RPGRIP1L: variants seen among roughly 807,000 people sequenced by gnomAD.
RPGRIP1L encodes the protein RPGRIP1 like.
A neutral mutation model predicts 160.4 loss-of-function variants in RPGRIP1L; 131 were observed. The observed-to-expected ratio is 0.82, with a 90% CI of 0.71 to 0.94. The LOEUF (loss-of-function observed/expected upper bound fraction) is 0.94, where lower values mean the gene tolerates loss of function less well. Ranked by LOEUF, RPGRIP1L falls within the 40% of genes least tolerant of loss-of-function variation. The pLI, the probability that RPGRIP1L is intolerant of heterozygous loss-of-function variation, is 0.00. For missense variants in RPGRIP1L, 1,522 were observed against 1,535.8 expected (o/e 0.99, Z 0.15); for synonymous variants, 510 against 515.8 (o/e 0.99, Z 0.15).
intron 22 of RPGRIP1L, 62 bp from the exon 23 acceptor site, chr16:53,622,418 A>G: frequency 1.8e-6 from 1 of 551,616 alleles, no homozygotes; most frequent in Non-Finnish European, 3.2e-6. Context: ...ATAATAGACA[A>G]CTTCATCTCA....
chr16:53,654,575 C>T (rs955639500), intron 14 of RPGRIP1L, among the ~76,000 whole-genome samples: 1 of 152,196 alleles, frequency 6.6e-6, no homozygotes, highest in African/African-American at 2.4e-5. Flanking sequence ...TAGCTTTACA[C>T]TCTTCATAGT....
At position 53,700,760 on chromosome 16, in the gene RPGRIP1L, C is replaced by A. The variant is rs781374452; in HGVS notation, c.-7-30G>T. 16 of 1,535,520 alleles carry A rather than the reference C, an allele frequency of 1.0e-5. No homozygotes were observed. In the East Asian group the frequency reaches 3.6e-4, roughly 35 times the overall value. On this transcript the variant is annotated intron_variant, in intron 1 of 26. Transcript: ENST00000647211. ...GGAAAAAAGAAAATTCAAATAAACT[C>A]TTTCCAAATTATTACATTAACTATG... is the stretch of plus-strand genomic sequence containing the variant.
intron 8 of RPGRIP1L, 132 bp downstream of exon 8, chr16:53,672,738 G>C: frequency 1.3e-6 from 1 of 758,606 alleles, no homozygotes; most frequent in Non-Finnish European, 2.2e-6. Flanking sequence ...ATATTTTGCT[G>C]TGCTCAAAAC....
chr16:53,643,566 T>A (rs968973648), intron 17 of RPGRIP1L, among the ~76,000 whole-genome samples: 4 of 152,284 alleles, frequency 2.6e-5, no homozygotes, highest in African/African-American at 9.6e-5. Flanking sequence ...GGTGGAAACC[T>A]ACTGGCTCAA....
intron 6 of RPGRIP1L, among the ~76,000 whole-genome samples, chr16:53,678,968 G>T (rs1598387549): frequency 6.6e-6 from 1 of 152,212 alleles, no homozygotes; most frequent in South Asian, 2.1e-4. Flanking sequence ...ACAGAAGGCT[G>T]CTAGTAAACT....
intron 6 of RPGRIP1L, among the ~76,000 whole-genome samples, chr16:53,682,381 A>G (rs1350892239): frequency 6.6e-6 from 1 of 152,160 alleles, no homozygotes; most frequent in Non-Finnish European, 1.5e-5. Flanking sequence ...CTATGTATAC[A>G]TGTTGGTGTC....
intron 3 of RPGRIP1L, chr16:53,693,240 C>G (rs1487292885): frequency 6.6e-6 from 1 of 152,188 alleles, no homozygotes; most frequent in Non-Finnish European, 1.5e-5. Flanking sequence ...TCTTCAATAG[C>G]TGATTCTAGT....
chr16:53,615,214 T>C (rs1964288620), intron 24 of RPGRIP1L, among the ~76,000 whole-genome samples: 1 of 152,156 alleles, frequency 6.6e-6, no homozygotes, highest in African/African-American at 2.4e-5. Flanking sequence ...ATAAAAACTT[T>C]GGATGATTTC....
intron 6 of RPGRIP1L, among the ~76,000 whole-genome samples, chr16:53,676,683 G>C (rs1969201368): frequency 1.3e-5 from 2 of 152,000 alleles, no homozygotes; most frequent in African/African-American, 4.8e-5. Context: ...ACCCAGGCTG[G>C]AGTGTAGTGG....
At chr16:53,678,270 C>T (rs1969340330) in intron 6 of RPGRIP1L, among the ~76,000 whole-genome samples, 1 of 151,912 alleles carries the variant, frequency 6.6e-6, no homozygotes, top group South Asian at 2.1e-4. Context: ...AAAAAGTAAT[C>T]CAGCTCAACA....
intron 9 of RPGRIP1L, among the ~76,000 whole-genome samples, chr16:53,669,459 G>T (rs57542261): frequency 6.3e-5 from 9 of 143,402 alleles, no homozygotes; most frequent in African/African-American, 2.3e-4. Flanking sequence ...ATAAAACATT[G>T]AAAAAAAAAA....
At chr16:53,612,173 G>A (rs1040165711) in intron 24 of RPGRIP1L, among the ~76,000 whole-genome samples, 1 of 152,154 alleles carries the variant, frequency 6.6e-6, no homozygotes, top group African/African-American at 2.4e-5. Context: ...TAAAGGTACC[G>A]GTATAGGGGT....
At chr16:53,696,037 C>A in intron 3 of RPGRIP1L, 114 bp downstream of exon 3, 1 of 1,030,850 alleles carries the variant, frequency 9.7e-7, no homozygotes. Context: ...TTATTTACAT[C>A]CTGCCTTGTT....
intron 13 of RPGRIP1L, 70 bp from the exon 14 acceptor site, chr16:53,656,659 G>T: frequency 9.0e-7 from 1 of 1,116,308 alleles, no homozygotes; most frequent in Non-Finnish European, 1.4e-6. Flanking sequence ...AAGCAACTAT[G>T]ATTCAAGCAT....
At chr16:53,683,906 T>C (rs1456374915) in intron 6 of RPGRIP1L, among the ~76,000 whole-genome samples, 3 of 152,086 alleles carry the variant, frequency 2.0e-5, no homozygotes, top group Non-Finnish European at 4.4e-5. Flanking sequence ...ATTTAATAAG[T>C]GGTGCTGGAA....
At chr16:53,676,380 CACTAAAAATACATATATATATAATAT>C (rs148994570) in intron 6 of RPGRIP1L, among the ~76,000 whole-genome samples, 1,931 of 151,808 alleles carry the variant, frequency 0.013, 33 homozygotes, top group African/African-American at 0.043. Context: ...TACCTTTAGC[CACTAAAAATACATATATATATAATAT>C]AAAGAGAAAA....
At chr16:53,666,112 T>C (rs1426308083) in intron 9 of RPGRIP1L, among the ~76,000 whole-genome samples, 2 of 152,226 alleles carry the variant, frequency 1.3e-5, no homozygotes, top group Non-Finnish European at 2.9e-5. Flanking sequence ...AACATATTAC[T>C]GGAAATTGCC....
At chr16:53,663,714 T>A (rs1304781170) in intron 10 of RPGRIP1L, among the ~76,000 whole-genome samples, 1 of 151,884 alleles carries the variant, frequency 6.6e-6, no homozygotes, top group Non-Finnish European at 1.5e-5. Context: ...GAAAAAGTCA[T>A]AAAAAAAATC....
At chr16:53,622,479 A>T in intron 22 of RPGRIP1L, 123 bp from the exon 23 acceptor site, 1 of 485,444 alleles carries the variant, frequency 2.1e-6, no homozygotes, top group Non-Finnish European at 3.7e-6. Context: ...TCCTATTCAT[A>T]CTGTGTTATT....
Sources: allele counts gnomAD v4.1 joint callset (sites outside exome capture counted in the v4.1 genomes callset), GRCh38; gene constraint gnomAD v4.1.1; transcripts MANE v1.5; gene names NCBI Gene and HGNC (gene_info 2026-07-23, HGNC 2026-07-21).